The following SLC36A1 variants were observed in gnomAD, a reference collection of about 807,000 sequenced individuals.
The protein encoded by SLC36A1 is proton-coupled amino acid transporter 1.
SLC36A1 carries 30 observed loss-of-function variants against 47.5 expected under a neutral mutation model. That is an observed-to-expected ratio of 0.63 (90% CI 0.47 to 0.86). The LOEUF is 0.86. SLC36A1 is among the 40% of genes least tolerant of loss of function. SLC36A1 has a pLI of 0.00. For synonymous variants in SLC36A1, 255 were observed against 249.7 expected (o/e 1.02, Z -0.20); for missense variants, 517 against 606.0 (o/e 0.85, Z 1.54).
chr5:151,503,079 A>T, the SLC36A1 span, among the ~76,000 whole-genome samples: 1 of 148,262 alleles, frequency 6.7e-6, no homozygotes, highest in African/African-American at 2.7e-5. Flanking sequence ...GTTAGGGGGC[A>T]GGAGGGAAGA....
the SLC36A1 span, among the ~76,000 whole-genome samples, chr5:151,430,530 T>G: frequency 2.0e-5 from 3 of 152,110 alleles, no homozygotes; most frequent in Non-Finnish European, 4.4e-5. Context: ...TTCACCATGT[T>G]GGTCAGGCTG....
intron 6 of SLC36A1, 48 bp downstream of exon 6, chr5:151,467,331 A>C: frequency 2.4e-6 from 3 of 1,233,282 alleles, no homozygotes; most frequent in Non-Finnish European, 3.5e-6. Context: ...CCAGAGCGAG[A>C]ATGGCAAAAG....
chr5:151,471,708 A>T (rs768796794), intron 7 of SLC36A1, among the ~76,000 whole-genome samples: 2 of 152,058 alleles, frequency 1.3e-5, no homozygotes, highest in Non-Finnish European at 2.9e-5. Flanking sequence ...CATTTATTTA[A>T]TTTTTTTATT....
At chr5:151,502,837 C>G in the SLC36A1 span, among the ~76,000 whole-genome samples, 1 of 148,162 alleles carries the variant, frequency 6.7e-6, no homozygotes, top group South Asian at 2.1e-4. Context: ...TGGAAGCAAC[C>G]AAGATGTCCT....
At chr5:151,478,511 G>T (rs1275984879) in intron 9 of SLC36A1, among the ~76,000 whole-genome samples, 1 of 152,180 alleles carries the variant, frequency 6.6e-6, no homozygotes, top group East Asian at 1.9e-4. Context: ...TCTTGGTCCT[G>T]CAGTGTCTTC....
At chr5:151,363,787 GAT>G in the SLC36A1 span, among the ~76,000 whole-genome samples, 1 of 152,298 alleles carries the variant, frequency 6.6e-6, no homozygotes, top group East Asian at 1.9e-4. Context: ...TGTTATTCAA[GAT>G]TTATGGGATT....
the SLC36A1 span, among the ~76,000 whole-genome samples, chr5:151,373,426 A>G: frequency 6.6e-6 from 1 of 152,372 alleles, no homozygotes; most frequent in Non-Finnish European, 1.5e-5. Context: ...TTAGATACAG[A>G]GAAACAGATA....
chr5:151,473,796 C>T (rs369849146), intron 8 of SLC36A1, 25 bp downstream of exon 8: 9 of 1,539,388 alleles, frequency 5.8e-6, no homozygotes, highest in Non-Finnish European at 8.1e-6. Flanking sequence ...GTGATTTGGG[C>T]TAGTGTTCTC....
chr5:151,432,110 A>C (rs1759385377), upstream of SLC36A1, among the ~76,000 whole-genome samples: 1 of 152,194 alleles, frequency 6.6e-6, no homozygotes, highest in Non-Finnish European at 1.5e-5. Flanking sequence ...AAATGACTGA[A>C]TATCACAGGC....
At chr5:151,535,503 G>A in the SLC36A1 span, among the ~76,000 whole-genome samples, 1 of 152,082 alleles carries the variant, frequency 6.6e-6, no homozygotes, top group African/African-American at 2.4e-5. Context: ...CCTGGAGGGT[G>A]GTGCGCCCAG....
At chr5:151,415,188 C>A in the SLC36A1 span, among the ~76,000 whole-genome samples, 13 of 152,192 alleles carry the variant, frequency 8.5e-5, no homozygotes, top group African/African-American at 3.1e-4. Context: ...AACTTCCACT[C>A]TTGCCCCTCA....
chr5:151,362,381 T>G, the SLC36A1 span, among the ~76,000 whole-genome samples: 2 of 146,796 alleles, frequency 1.4e-5, no homozygotes, highest in Non-Finnish European at 3.0e-5. Context: ...TTTGCTTGAT[T>G]GATTCTTCTT....
At chr5:151,377,609 A>G in the SLC36A1 span, among the ~76,000 whole-genome samples, 2 of 151,112 alleles carry the variant, frequency 1.3e-5, no homozygotes, top group Non-Finnish European at 2.9e-5. Flanking sequence ...GGCCTCCCAA[A>G]GTGCTGGGAT....
At chr5:151,381,086 G>A in the SLC36A1 span, 4 of 476,690 alleles carry the variant, frequency 8.4e-6, no homozygotes, top group South Asian at 3.8e-5. Flanking sequence ...CCAGCCACAC[G>A]ACCATGTCAC....
At chr5:151,347,389 A>G in the SLC36A1 span, 6 of 1,614,236 alleles carry the variant, frequency 3.7e-6, no homozygotes, top group Non-Finnish European at 5.1e-6. Flanking sequence ...TGGCACTTTC[A>G]GGAGGCGACA....
chr5:151,465,677 GAGT>G (rs1251257960), intron 5 of SLC36A1, among the ~76,000 whole-genome samples: 2 of 152,144 alleles, frequency 1.3e-5, no homozygotes, highest in Non-Finnish European at 2.9e-5. Context: ...CATGAGCTAG[GAGT>G]ACACCCTCAG....
chr5:151,424,860 A>G, the SLC36A1 span, among the ~76,000 whole-genome samples: 3 of 135,590 alleles, frequency 2.2e-5, no homozygotes, highest in Non-Finnish European at 4.4e-5. Flanking sequence ...AAATAAACAG[A>G]AAGTTTTTAG....
At chr5:151,510,838 TGC>T in the SLC36A1 span, 1 of 151,466 alleles carries the variant, frequency 6.6e-6, no homozygotes, top group African/African-American at 2.4e-5. Flanking sequence ...AAGAGAAGAG[TGC>T]GTGCAAAGGC....
the SLC36A1 span, among the ~76,000 whole-genome samples, chr5:151,507,788 G>A: frequency 2.0e-5 from 3 of 151,986 alleles, no homozygotes; most frequent in Admixed American, 6.6e-5. Context: ...CCTTCCACCA[G>A]TAAAGTATGG....
Sources: allele counts gnomAD v4.1 joint callset (sites outside exome capture counted in the v4.1 genomes callset), GRCh38; gene constraint gnomAD v4.1.1; transcripts MANE v1.5; gene names NCBI Gene and HGNC (gene_info 2026-07-23, HGNC 2026-07-21).